Variants in IMPG2 observed in about 807,000 individuals in gnomAD.
IMPG2 encodes the protein interphotoreceptor matrix proteoglycan 2, also known as IPM 200.
A neutral mutation model predicts 129.2 loss-of-function variants in IMPG2; 91 were observed. The observed-to-expected ratio is 0.70, with a 90% CI of 0.59 to 0.84. IMPG2 has a LOEUF of 0.84. IMPG2 is among the 40% of genes least tolerant of loss of function. The pLI, the probability that IMPG2 is intolerant of heterozygous loss-of-function variation, is 0.00. For synonymous variants in IMPG2, 510 were observed against 517.7 expected (o/e 0.99, Z 0.20); for missense variants, 1,430 against 1,461.7 (o/e 0.98, Z 0.35).
intron 3 of IMPG2, among the ~76,000 whole-genome samples, chr3:101,298,984 G>A (rs1707112154): frequency 6.6e-6 from 1 of 152,184 alleles, no homozygotes; most frequent in African/African-American, 2.4e-5. Flanking sequence ...ATAATATCCT[G>A]AAGTATGTTT....
intron 11 of IMPG2, among the ~76,000 whole-genome samples, chr3:101,248,234 G>C (rs1265019831): frequency 3.3e-5 from 5 of 152,148 alleles, no homozygotes; most frequent in Non-Finnish European, 1.5e-5. Context: ...TTCCGTTGCT[G>C]TTCTCGTGAT....
At chr3:101,260,654 C>T (rs1366669527) in intron 9 of IMPG2, among the ~76,000 whole-genome samples, 1 of 152,154 alleles carries the variant, frequency 6.6e-6, no homozygotes, top group East Asian at 1.9e-4. Context: ...TACCTCCCAA[C>T]CCTTATATCT....
At position 101,244,466 on chromosome 3, in the gene IMPG2, T is replaced by A. The variant is rs1706451400; in HGVS notation, c.1865A>T (p.Glu622Val). The A allele has an allele frequency of 6.2e-7, 1 of 1,614,132 alleles. No homozygotes were observed. Among genetic ancestry groups the A allele is most frequent in the African/African-American group, 1.3e-5 (1 of 75,068 alleles). Residue 622 changes from glutamate (E) to valine (V), a missense_variant, in exon 13 of 19, where the codon GAG (glutamate) becomes GTG (valine). Glu to Val is a moderately radical substitution (Grantham distance 121). Coordinates refer to ENST00000193391, the MANE Select transcript of IMPG2 (RefSeq NM_016247.4). ...CTTGGACAGTGGTTCAGCGCTCTTC[T>A]CTGATGAAGTCTCACTCCATGGCCA... is the stretch of plus-strand genomic sequence containing the variant. ...ITWPWSETSS[E>V]KSAEPLSKPW...
chr3:101,292,896 A>C (rs116474584), intron 3 of IMPG2, among the ~76,000 whole-genome samples: 4,127 of 152,290 alleles, frequency 0.027, 196 homozygotes, highest in African/African-American at 0.095. Flanking sequence ...CTCATTCATA[A>C]GAAGAAATTT....
At chr3:101,247,086 A>T (rs1177236285) in intron 11 of IMPG2, among the ~76,000 whole-genome samples, 1 of 149,188 alleles carries the variant, frequency 6.7e-6, no homozygotes, top group East Asian at 2.0e-4. Flanking sequence ...ATAGAGCAAG[A>T]CATTGTCTCT....
intron 2 of IMPG2, among the ~76,000 whole-genome samples, 175 bp from the exon 3 acceptor site, chr3:101,304,487 A>T (rs1707168723): frequency 6.6e-6 from 1 of 152,158 alleles, no homozygotes; most frequent in Non-Finnish European, 1.5e-5. Flanking sequence ...TAAACTTTTC[A>T]TTTCTGAAGA....
chr3:101,242,801 G>C lies in IMPG2; in HGVS notation c.2909C>G (p.Ser970Cys). ...CGCATTGTTGACGTTAGGAGGGACA[G>C]AATTGGCAAACTTCATTCGACTGTT... ...VVNSRMKFAN[S>C]VPPNVNNAVY... The change falls in exon 14 of 19, where the codon TCT becomes TGT. Residue 970 changes from serine (S) to cysteine (C), a missense_variant. Ser to Cys is a moderately radical substitution (Grantham distance 112). Coordinates refer to ENST00000193391, the MANE Select transcript of IMPG2 (RefSeq NM_016247.4). 6.2e-7 allele frequency: 1 copy of C among 1,613,954 alleles called. No individual in the cohort carries two copies. Among genetic ancestry groups the C allele is most frequent in the Non-Finnish European group, 8.5e-7 (1 of 1,179,870 alleles).
intron 3 of IMPG2, among the ~76,000 whole-genome samples, chr3:101,300,809 C>T (rs1343029207): frequency 6.6e-6 from 1 of 152,250 alleles, no homozygotes; most frequent in Admixed American, 6.5e-5. Context: ...GCCCCGCCCC[C>T]CACTTTTAAT....
At chr3:101,287,158 A>C (rs1302031368) in intron 4 of IMPG2, among the ~76,000 whole-genome samples, 3 of 152,172 alleles carry the variant, frequency 2.0e-5, no homozygotes, top group African/African-American at 7.2e-5. Flanking sequence ...TTGGAACAAA[A>C]TGTACTTAGC....
Position 101,320,519 on chromosome 3 carries a change from A to G in IMPG2, c.-147T>C, listed in dbSNP as rs2058806233. ...AATGAACAACCACTTCAAAACCATT[A>G]TAAATTAGCGGAAAGAAAAATGGTT... On this transcript the variant is annotated 5_prime_UTR_variant, in exon 1 of 19. Coordinates refer to ENST00000193391, the MANE Select transcript of IMPG2 (RefSeq NM_016247.4). The G allele has an allele frequency of 3.1e-6, 2 of 641,926 alleles. No individual in the cohort carries two copies. The highest frequency in any genetic ancestry group is 2.8e-6 in the Non-Finnish European group (1 of 354,126). 39.8% of individuals were successfully genotyped at this position (641,926 alleles called of 1,614,324 possible). A position where few individuals can be genotyped will look rare whatever the true frequency, so the allele number is the denominator to read the frequency against.
intron 14 of IMPG2, among the ~76,000 whole-genome samples, chr3:101,237,987 C>T (rs1334782574): frequency 1.3e-5 from 2 of 151,876 alleles, no homozygotes; most frequent in Non-Finnish European, 2.9e-5. Context: ...AAAGGTTAGA[C>T]GAATCGCTAA....
intron 2 of IMPG2, among the ~76,000 whole-genome samples, chr3:101,315,647 C>T (rs2058780896): frequency 6.6e-6 from 1 of 151,948 alleles, no homozygotes; most frequent in Admixed American, 6.6e-5. Context: ...ATCTGAAACC[C>T]ACAACACTTC....
intron 11 of IMPG2, among the ~76,000 whole-genome samples, chr3:101,247,793 A>G (rs1706498479): frequency 6.6e-6 from 1 of 152,144 alleles, no homozygotes; most frequent in African/African-American, 2.4e-5. Context: ...TGTGTTTCTA[A>G]TGTACTTCTT....
intron 3 of IMPG2, among the ~76,000 whole-genome samples, chr3:101,296,043 T>C (rs1707076423): frequency 6.6e-6 from 1 of 152,214 alleles, no homozygotes. Context: ...CCTACTTGAA[T>C]ACCATTTATT....
At chr3:101,269,926 C>CTTTTTTTTTTTTTTTTTT (rs5851267) in intron 7 of IMPG2, among the ~76,000 whole-genome samples, 8 of 106,976 alleles carry the variant, frequency 7.5e-5, no homozygotes, top group Non-Finnish European at 1.2e-4. Context: ...TTATTTTATT[C>CTTTTTTTTTTTTTTTTTT]TTTTTTTTTT....
intron 6 of IMPG2, among the ~76,000 whole-genome samples, chr3:101,273,998 G>C (rs1235068894): frequency 6.6e-6 from 1 of 152,068 alleles, no homozygotes; most frequent in Non-Finnish European, 1.5e-5. Flanking sequence ...AGGAGTTCAA[G>C]ACCAGCCTGG....
At chr3:101,265,507 A>G (rs1706713059) in intron 9 of IMPG2, among the ~76,000 whole-genome samples, 1 of 152,172 alleles carries the variant, frequency 6.6e-6, no homozygotes, top group Non-Finnish European at 1.5e-5. Context: ...CAGAAGAATG[A>G]AACTAGACCC....
chr3:101,309,002 T>C (rs1400248569), intron 2 of IMPG2, among the ~76,000 whole-genome samples: 1 of 152,180 alleles, frequency 6.6e-6, no homozygotes, highest in Non-Finnish European at 1.5e-5. Flanking sequence ...AGGGACAAAA[T>C]GCCACCAGTC....
At position 101,257,722 on chromosome 3, in the gene IMPG2, A is replaced by T; in HGVS notation, c.960T>A (p.Asn320Lys). 6.2e-7 allele frequency: 1 copy of T among 1,613,304 alleles called. No homozygotes were observed. Among genetic ancestry groups the T allele is most frequent in the Non-Finnish European group, 8.5e-7 (1 of 1,179,464 alleles). ...AVTFNGEAIS[N>K]TTWDLISLHS... ...GAAGGCTAATGAGGTCCCAGGTGGT[A>T]TTGCTGATGGCCTCACCATTGAAGG... The change falls in exon 10 of 19, where the codon AAT (asparagine) becomes AAA (lysine). Residue 320 changes from asparagine to lysine, a missense_variant. Coordinates refer to ENST00000193391, the MANE Select transcript of IMPG2 (RefSeq NM_016247.4).
Sources: gnomAD v4.1 joint callset for allele counts (sites outside exome capture counted in the v4.1 genomes callset) on GRCh38, gnomAD v4.1.1 for gene constraint, MANE v1.5 for transcripts, NCBI Gene and HGNC (gene_info 2026-07-23, HGNC 2026-07-21) for gene names.